HOMER1: variants seen among roughly 807,000 people sequenced by gnomAD.
HOMER1 encodes the protein homer scaffold protein 1.
Under a neutral mutation model 48.9 loss-of-function variants are expected in HOMER1, and 3 were observed. The observed-to-expected ratio is 0.06, with a 90% confidence interval of 0.03 to 0.16. The LOEUF is 0.16. Among genes scored for constraint, HOMER1 ranks in the 10% least tolerant of loss-of-function variants. HOMER1 has a pLI of 1.00. For synonymous variants in HOMER1, 134 were observed against 146.4 expected, an observed-to-expected ratio of 0.92 and a Z score of 0.61; for missense variants, 247 against 411.4, an observed-to-expected ratio of 0.60 and a Z score of 3.46.
Position 79,492,553 on chromosome 5 carries a change from C to A in HOMER1, c.5+20217G>T, listed in dbSNP as rs528419347. Among the ~76,000 whole-genome samples the A allele has an allele frequency of 2.6e-5, 4 of 151,894 alleles. No individual in the cohort carries two copies. In the East Asian group the frequency reaches 7.7e-4, roughly 29 times the overall value. On this transcript the variant is annotated intron_variant, in intron 1 of 8. Coordinates refer to ENST00000334082, the MANE Select transcript of HOMER1 (RefSeq NM_004272.5). ...CCCTATACACTTTGGTTCACACGAGCGCAAGTGCTTCGCATGTGGTATGTG... is the reference window on the plus strand; with the variant it reads ...CCCTATACACTTTGGTTCACACGAGAGCAAGTGCTTCGCATGTGGTATGTG...
chr5:79,512,880 C>G lies in HOMER1; in HGVS notation c.-106G>C. 1.0e-6 allele frequency: 1 copy of G among 999,466 alleles called. No homozygotes were observed. Among genetic ancestry groups the G allele is most frequent in the Admixed American group, 1.8e-5 (1 of 55,422 alleles). The allele number at this position is 999,466 out of a possible 1,614,324, so 61.9% of individuals were successfully genotyped here. On this transcript the variant is annotated 5_prime_UTR_variant, in exon 1 of 9. Transcript: ENST00000334082. ...TTCGCAGTTGCTTTTCCACCCCCAC[C>G]CCCAGATCCTTGTCCGGAGGTATTT...
rs1308723356 is a variant in HOMER1 at position 79,434,014 on chromosome 5, G to A, written c.527+4996C>T. 2.3e-4 allele frequency among the ~76,000 whole-genome samples: 35 copies of A among 152,048 alleles called. 2 individuals carry two copies. The highest frequency in any genetic ancestry group is 8.3e-4 in the South Asian group (4 of 4,820). ...AATTCTAGAAGCACCATGAGAACAC[G>A]TTATCTAAACATTAGAAGAATCTAA... On this transcript the variant is annotated intron_variant, in intron 5 of 8. Transcript: ENST00000334082.
chr5:79,377,132 A>G (rs1748792805), intron 8 of HOMER1, among the ~76,000 whole-genome samples: 1 of 152,054 alleles, frequency 6.6e-6, no homozygotes, highest in South Asian at 2.1e-4. Context: ...CACCTGGCTA[A>G]TTTTTATATT....
At chr5:79,502,470 G>C (rs1348258550) in intron 1 of HOMER1, among the ~76,000 whole-genome samples, 2 of 152,036 alleles carry the variant, frequency 1.3e-5, no homozygotes, top group Non-Finnish European at 2.9e-5. Flanking sequence ...ACAAGATTGA[G>C]AAAGACTAAA....
intron 5 of HOMER1, among the ~76,000 whole-genome samples, chr5:79,433,179 C>T (rs914919369): frequency 6.6e-6 from 1 of 152,124 alleles, no homozygotes; most frequent in African/African-American, 2.4e-5. Flanking sequence ...AAACATGTCA[C>T]AGTGTGGAGA....
At chr5:79,507,724 AT>A (rs1014785710) in intron 1 of HOMER1, among the ~76,000 whole-genome samples, 19 of 148,546 alleles carry the variant, frequency 1.3e-4, no homozygotes, top group Non-Finnish European at 2.7e-4. Flanking sequence ...AAAAAAAAAA[AT>A]CACATGGCAG....
intron 1 of HOMER1, among the ~76,000 whole-genome samples, chr5:79,476,714 C>G (rs1409467324): frequency 6.6e-6 from 1 of 152,184 alleles, no homozygotes; most frequent in Non-Finnish European, 1.5e-5. Context: ...TCCAGGCATG[C>G]TGTCCTCCAG....
At chr5:79,460,484 G>A (rs1293053732) in intron 1 of HOMER1, among the ~76,000 whole-genome samples, 2 of 152,152 alleles carry the variant, frequency 1.3e-5, no homozygotes, top group Non-Finnish European at 2.9e-5. Context: ...AGAAATACTG[G>A]ACACAGGGAG....
At chr5:79,466,110 A>C (rs1346792408) in intron 1 of HOMER1, among the ~76,000 whole-genome samples, 3 of 152,142 alleles carry the variant, frequency 2.0e-5, no homozygotes, top group African/African-American at 7.2e-5. Context: ...GGTATGTATT[A>C]AATAACTGCC....
chr5:79,456,146 A>G (rs1267170896), intron 2 of HOMER1, among the ~76,000 whole-genome samples: 4 of 35,832 alleles, frequency 1.1e-4, no homozygotes, highest in African/African-American at 5.7e-4. Flanking sequence ...ACTCCGTCTC[A>G]AAAAAAAAAA....
chr5:79,396,299 AAT>A (rs751588046), intron 8 of HOMER1, among the ~76,000 whole-genome samples: 170 of 151,540 alleles, frequency 1.1e-3, no homozygotes, highest in Admixed American at 2.4e-3. Context: ...ATTGTAAAAT[AAT>A]AATAATAATA....
At chr5:79,427,254 T>C (rs958741854) in intron 5 of HOMER1, among the ~76,000 whole-genome samples, 3 of 152,226 alleles carry the variant, frequency 2.0e-5, no homozygotes, top group Non-Finnish European at 4.4e-5. Flanking sequence ...TCTAGAGTAA[T>C]AATTACACTA....
intron 5 of HOMER1, among the ~76,000 whole-genome samples, chr5:79,422,862 A>T (rs895291311): frequency 1.3e-5 from 2 of 150,102 alleles, no homozygotes; most frequent in African/African-American, 4.9e-5. Context: ...GTCAAGTAAA[A>T]CAGTGGGAGT....
chr5:79,393,400 T>C (rs1209492785), intron 8 of HOMER1, among the ~76,000 whole-genome samples: 1 of 152,176 alleles, frequency 6.6e-6, no homozygotes, highest in Admixed American at 6.5e-5. Context: ...TCTGAAGATT[T>C]GGGCAAAGAA....
intron 6 of HOMER1, among the ~76,000 whole-genome samples, chr5:79,400,230 T>G (rs1019042275): frequency 6.6e-6 from 1 of 152,168 alleles, no homozygotes; most frequent in Non-Finnish European, 1.5e-5. Context: ...ACTGTAAGTC[T>G]ATACCCATTA....
intron 1 of HOMER1, among the ~76,000 whole-genome samples, chr5:79,508,811 T>C (rs2112385741): frequency 6.6e-6 from 1 of 152,336 alleles, no homozygotes; most frequent in South Asian, 2.1e-4. Context: ...CACATTTTAA[T>C]TTTAGGCTTG....
intron 1 of HOMER1, among the ~76,000 whole-genome samples, chr5:79,481,235 T>C (rs751398804): frequency 7.2e-5 from 11 of 152,228 alleles, no homozygotes; most frequent in Admixed American, 5.9e-4. Context: ...TTAACTGTGA[T>C]ATTTTAAGAG....
chr5:79,478,167 T>C (rs1314052762), intron 1 of HOMER1, among the ~76,000 whole-genome samples: 3 of 152,212 alleles, frequency 2.0e-5, no homozygotes, highest in East Asian at 3.8e-4. Context: ...TCTATTACTG[T>C]TCTGTACTGA....
intron 5 of HOMER1, among the ~76,000 whole-genome samples, chr5:79,428,277 A>AT (rs1211898274): frequency 6.6e-6 from 1 of 152,184 alleles, no homozygotes; most frequent in African/African-American, 2.4e-5. Flanking sequence ...AAAACTAGGA[A>AT]TATAGGGGAA....
Sources: gnomAD v4.1 joint callset for allele counts (sites outside exome capture counted in the v4.1 genomes callset) on GRCh38, gnomAD v4.1.1 for gene constraint, MANE v1.5 for transcripts, NCBI Gene and HGNC (gene_info 2026-07-23, HGNC 2026-07-21) for gene names.